NKAIN2: variants seen among roughly 807,000 people sequenced by gnomAD.
NKAIN2 encodes the protein sodium/potassium transporting ATPase interacting 2, also known as sodium/potassium-transporting ATPase subunit beta-1-interacting protein 2.
NKAIN2 carries 14 observed loss-of-function variants against 32.6 expected under a neutral mutation model. The observed-to-expected ratio is 0.43, with a 90% CI of 0.28 to 0.67. NKAIN2 has a LOEUF of 0.67. Ranked by LOEUF, NKAIN2 falls within the 30% of genes least tolerant of loss-of-function variation. The pLI, the probability that NKAIN2 is intolerant of heterozygous loss-of-function variation, is 0.17. For missense variants in NKAIN2, 198 were observed against 258.3 expected (o/e 0.77, Z 1.60); for synonymous variants, 80 against 87.2 (o/e 0.92, Z 0.46).
intron 1 of NKAIN2, among the ~76,000 whole-genome samples, chr6:124,216,675 A>C (rs1791494010): frequency 6.6e-6 from 1 of 152,190 alleles, no homozygotes; most frequent in African/African-American, 2.4e-5. Context: ...AAATGTGGGC[A>C]CTAAATAAGT....
chr6:124,296,867 G>A (rs1474977287), intron 2 of NKAIN2, among the ~76,000 whole-genome samples: 1 of 152,112 alleles, frequency 6.6e-6, no homozygotes, highest in Admixed American at 6.6e-5. Context: ...CTTTAGTGTT[G>A]TACATCACAC....
intron 1 of NKAIN2, among the ~76,000 whole-genome samples, chr6:124,017,621 C>T (rs973771576): frequency 3.9e-5 from 6 of 152,028 alleles, no homozygotes; most frequent in Non-Finnish European, 7.4e-5. Flanking sequence ...GGTATAGGCC[C>T]CTGCAAGTCT....
At chr6:123,986,334 A>G (rs976389700) in intron 1 of NKAIN2, among the ~76,000 whole-genome samples, 3 of 152,176 alleles carry the variant, frequency 2.0e-5, no homozygotes, top group Non-Finnish European at 2.9e-5. Flanking sequence ...TTAGACTGCT[A>G]TCGTAGAAGG....
chr6:124,564,449 A>T (rs778403105), intron 3 of NKAIN2, among the ~76,000 whole-genome samples: 1 of 150,696 alleles, frequency 6.6e-6, no homozygotes, highest in African/African-American at 2.4e-5. Context: ...TCAGTTGGAC[A>T]TGGGTGGGGA....
At position 124,558,673 on chromosome 6, in the gene NKAIN2, T is replaced by C. The variant is rs182974523; in HGVS notation, c.274-99513T>C. ...ATAATTATGCCAGACCTCAGCTGGA[T>C]GTGGTGGCTCAAGCCCGTAATCCCA... On this transcript the variant is annotated intron_variant, in intron 3 of 6. Transcript: ENST00000368417. 7.2e-5 allele frequency among the ~76,000 whole-genome samples: 11 copies of C among 152,202 alleles called. No homozygotes were observed. In the East Asian group the frequency reaches 1.2e-3, roughly 16 times the overall value.
At chr6:124,113,979 G>A (rs1023875646) in intron 1 of NKAIN2, among the ~76,000 whole-genome samples, 1 of 152,136 alleles carries the variant, frequency 6.6e-6, no homozygotes, top group Non-Finnish European at 1.5e-5. Flanking sequence ...GATTAGTTTT[G>A]TAGGCATATG....
At chr6:124,138,035 G>A (rs138696867) in intron 1 of NKAIN2, among the ~76,000 whole-genome samples, 64 of 151,940 alleles carry the variant, frequency 4.2e-4, no homozygotes, top group African/African-American at 1.5e-3. Context: ...AAACTAAAAA[G>A]CAAAGAAATA....
chr6:124,764,997 A>G (rs1778447043), intron 4 of NKAIN2, among the ~76,000 whole-genome samples: 1 of 152,240 alleles, frequency 6.6e-6, no homozygotes, highest in African/African-American at 2.4e-5. Flanking sequence ...AAGTTCCACT[A>G]GGTTTAAAAT....
rs562010670 is a variant in NKAIN2 at position 124,561,094 on chromosome 6, C to T, written c.274-97092C>T. Among the ~76,000 whole-genome samples, 252 of 149,016 alleles carry T rather than the reference C, an allele frequency of 1.7e-3. 1 individual carries two copies. The highest frequency in any genetic ancestry group is 2.7e-3 in the Non-Finnish European group (180 of 66,950). On this transcript the variant is annotated intron_variant, in intron 3 of 6. Transcript: ENST00000368417. ...CCTGATGTGAGTCACTGTCTTGTTT[C>T]AGGGCACAGAGCAACAGTGATGTAA...
Position 124,506,024 on chromosome 6 carries a change from T to TA in NKAIN2, c.273+150685dup, listed in dbSNP as rs1016613414. ...CCGTCTCTACTAAAAATACAAAAAATAAAAAAAATTACTGGGCATGGTGGC... is the reference window on the plus strand; with the variant it reads ...CCGTCTCTACTAAAAATACAAAAAATAAAAAAAAATTACTGGGCATGGTGGC... On this transcript the variant is annotated intron_variant, in intron 3 of 6. Coordinates refer to ENST00000368417, the MANE Select transcript of NKAIN2 (RefSeq NM_001040214.3). 5.3e-5 allele frequency among the ~76,000 whole-genome samples: 8 copies of TA among 151,210 alleles called. No individual in the cohort carries two copies. In the South Asian group the frequency reaches 6.3e-4, roughly 12 times the overall value.
At chr6:124,013,334 T>G (rs995952899) in intron 1 of NKAIN2, among the ~76,000 whole-genome samples, 45 of 152,198 alleles carry the variant, frequency 3.0e-4, no homozygotes, top group African/African-American at 1.0e-3. Flanking sequence ...TCAATCTTTA[T>G]AGAGTGTGTT....
intron 1 of NKAIN2, among the ~76,000 whole-genome samples, chr6:124,100,312 A>G (rs926595869): frequency 2.0e-5 from 3 of 152,200 alleles, no homozygotes; most frequent in African/African-American, 7.2e-5. Flanking sequence ...TAGAAAGAAA[A>G]TGGTTTAGAA....
At chr6:124,125,237 C>T in intron 1 of NKAIN2, among the ~76,000 whole-genome samples, 1 of 152,208 alleles carries the variant, frequency 6.6e-6, no homozygotes, top group South Asian at 2.1e-4. Context: ...AGTCAGTTCT[C>T]TCTTTCTGTC....
At chr6:124,464,542 C>T (rs557622889) in intron 3 of NKAIN2, among the ~76,000 whole-genome samples, 1 of 151,438 alleles carries the variant, frequency 6.6e-6, no homozygotes, top group South Asian at 2.1e-4. Flanking sequence ...TCCAAATTTG[C>T]TTAATGTTAT....
At chr6:124,350,501 G>A (rs1781973828) in intron 2 of NKAIN2, among the ~76,000 whole-genome samples, 1 of 152,108 alleles carries the variant, frequency 6.6e-6, no homozygotes, top group Admixed American at 6.5e-5. Context: ...AATGAGGAAA[G>A]TTAAATGAGA....
chr6:124,684,537 C>T (rs954795821), intron 4 of NKAIN2, among the ~76,000 whole-genome samples: 1 of 152,110 alleles, frequency 6.6e-6, no homozygotes, highest in African/African-American at 2.4e-5. Flanking sequence ...TATTCTAAAA[C>T]ATTTGCTGGG....
At chr6:124,037,213 G>T (rs1042410889) in intron 1 of NKAIN2, among the ~76,000 whole-genome samples, 3 of 152,024 alleles carry the variant, frequency 2.0e-5, no homozygotes, top group Non-Finnish European at 4.4e-5. Flanking sequence ...ATGGCAGGAA[G>T]AAATACAACA....
At chr6:124,157,251 A>T (rs1273750786) in intron 1 of NKAIN2, among the ~76,000 whole-genome samples, 1 of 77,058 alleles carries the variant, frequency 1.3e-5, no homozygotes, top group Non-Finnish European at 2.8e-5. Context: ...GTCATAATGG[A>T]CACACACACA....
intron 1 of NKAIN2, among the ~76,000 whole-genome samples, chr6:123,947,409 T>C (rs1274646621): frequency 6.6e-6 from 1 of 152,176 alleles, no homozygotes; most frequent in Non-Finnish European, 1.5e-5. Context: ...AATTAACTTG[T>C]ATTCTTTCAT....
Sources: gnomAD v4.1 joint callset for allele counts (sites outside exome capture counted in the v4.1 genomes callset) on GRCh38, gnomAD v4.1.1 for gene constraint, MANE v1.5 for transcripts, NCBI Gene and HGNC (gene_info 2026-07-23, HGNC 2026-07-21) for gene names.